The following TMPRSS15 variants were observed in gnomAD, a reference collection of about 807,000 sequenced individuals.
TMPRSS15 encodes transmembrane serine protease 15, also known as enteropeptidase.
In TMPRSS15, 128 loss-of-function variants were observed where a neutral mutation model predicts 125.3. The ratio of observed to expected loss-of-function variants is 1.02; its 90% confidence interval spans 0.89 to 1.18. The LOEUF is 1.18. Among genes scored for constraint, TMPRSS15 ranks in the 50% most tolerant of loss-of-function variants. The pLI, the probability that TMPRSS15 is intolerant of heterozygous loss-of-function variation, is 0.00. For synonymous variants in TMPRSS15, 446 were observed against 423.2 expected (o/e 1.05, Z -0.66); for missense variants, 1,283 against 1,212.7 (o/e 1.06, Z -0.86).
chr21:18,394,454 A>G (rs2076015731), intron 3 of TMPRSS15, among the ~76,000 whole-genome samples: 1 of 152,168 alleles, frequency 6.6e-6, no homozygotes, highest in Admixed American at 6.5e-5. Context: ...AGGTAAAGAA[A>G]AAGTAAATAA....
At chr21:18,371,889 C>T (rs2075794900) in intron 6 of TMPRSS15, among the ~76,000 whole-genome samples, 1 of 151,862 alleles carries the variant, frequency 6.6e-6, no homozygotes, top group Non-Finnish European at 1.5e-5. Flanking sequence ...GTAGCAACAC[C>T]CATCCCCACA....
intron 16 of TMPRSS15, among the ~76,000 whole-genome samples, chr21:18,317,796 TCCCA>T (rs2075184156): frequency 9.0e-6 from 1 of 111,394 alleles, no homozygotes; most frequent in African/African-American, 3.4e-5. Context: ...TCCCATCCCA[TCCCA>T]TCCCATCCCA....
At position 18,380,114 on chromosome 21, in the gene TMPRSS15, G is replaced by A. The variant is rs200865320; in HGVS notation, c.497-796C>T. 2.6e-5 allele frequency among the ~76,000 whole-genome samples: 4 copies of A among 151,316 alleles called. No individual in the cohort carries two copies. In the East Asian group the frequency reaches 5.8e-4, roughly 22 times the overall value. ...TATCTCACCCTTAGTGACCTCCCAA[G>A]TGCCATAGCTTCATCACCAAGGCAC... On this transcript the variant is annotated intron_variant, in intron 4 of 24. Coordinates refer to ENST00000284885, the MANE Select transcript of TMPRSS15 (RefSeq NM_002772.3).
chr21:18,454,760 C>G (rs1021965529), intron 1 of TMPRSS15, among the ~76,000 whole-genome samples: 1 of 152,106 alleles, frequency 6.6e-6, no homozygotes, highest in African/African-American at 2.4e-5. Flanking sequence ...TGGATAATGC[C>G]TGTTCTCATT....
intron 1 of TMPRSS15, among the ~76,000 whole-genome samples, chr21:18,470,665 C>T (rs1026780346): frequency 1.3e-5 from 2 of 151,952 alleles, no homozygotes; most frequent in Non-Finnish European, 2.9e-5. Flanking sequence ...TTGTTGTTTT[C>T]TTTCCTCTGT....
In TMPRSS15 at chr21:18,275,292, A is replaced by C; in HGVS notation, c.2809T>G (p.Ser937Ala). Residue 937 changes from serine (S) to alanine (A), a missense_variant, in exon 24 of 25, where the codon TCA becomes GCA. Physicochemically the swap from Ser to Ala is moderately conservative, Grantham distance 99. Coordinates refer to ENST00000284885, the MANE Select transcript of TMPRSS15 (RefSeq NM_002772.3). ...ILQEADVPLL[S>A]NERCQQQMPE... ...ATCTGCTGTTGGCATCTCTCATTTG[A>C]TAGAAGAGGAACATCAGCTTCTTGC... The C allele has an allele frequency of 6.2e-7, 1 of 1,614,052 alleles. No homozygotes were observed. Among genetic ancestry groups the C allele is most frequent in the Non-Finnish European group, 8.5e-7 (1 of 1,179,986 alleles).
At chr21:18,315,025 T>C (rs1370960693) in intron 17 of TMPRSS15, 121 bp downstream of exon 17, 4 of 795,412 alleles carry the variant, frequency 5.0e-6, no homozygotes, top group South Asian at 1.4e-5. Flanking sequence ...AGATGAGATG[T>C]TCTCGTTCCA....
chr21:18,400,050 C>G (rs1464017436), intron 1 of TMPRSS15, among the ~76,000 whole-genome samples: 1 of 152,012 alleles, frequency 6.6e-6, no homozygotes, highest in Non-Finnish European at 1.5e-5. Flanking sequence ...ACAAGGATAA[C>G]TACAAAACAC....
chr21:18,419,144 G>A (rs909905287), intron 1 of TMPRSS15, among the ~76,000 whole-genome samples: 1 of 151,384 alleles, frequency 6.6e-6, no homozygotes, highest in Non-Finnish European at 1.5e-5. Context: ...GTCACTTACC[G>A]ATTAAAACTT....
At chr21:18,274,837 T>G (rs1471440204) in intron 24 of TMPRSS15, among the ~76,000 whole-genome samples, 1 of 152,196 alleles carries the variant, frequency 6.6e-6, no homozygotes, top group Non-Finnish European at 1.5e-5. Context: ...TTGTTTGTTT[T>G]AAGTTTGCAT....
intron 18 of TMPRSS15, among the ~76,000 whole-genome samples, chr21:18,306,599 C>A (rs556886976): frequency 6.6e-6 from 1 of 152,046 alleles, no homozygotes; most frequent in African/African-American, 2.4e-5. Flanking sequence ...CTTATTAGAA[C>A]ACAAATAACT....
At chr21:18,474,146 C>A (rs1030923888) in intron 1 of TMPRSS15, among the ~76,000 whole-genome samples, 1 of 151,832 alleles carries the variant, frequency 6.6e-6, no homozygotes, top group Non-Finnish European at 1.5e-5. Context: ...TATATATATA[C>A]CCATATATCT....
chr21:18,443,083 T>G (rs2076246273), intron 1 of TMPRSS15, among the ~76,000 whole-genome samples: 1 of 152,160 alleles, frequency 6.6e-6, no homozygotes, highest in Non-Finnish European at 1.5e-5. Flanking sequence ...CATGTGTATA[T>G]TTACAAATTA....
rs2076120057 is a variant in TMPRSS15 at position 18,403,775 on chromosome 21, G to A, written c.-153C>T. The A allele has an allele frequency of 2.3e-6, 2 of 865,368 alleles. No homozygotes were observed. Among genetic ancestry groups the A allele is most frequent in the Non-Finnish European group, 1.8e-6 (1 of 548,510 alleles). 53.6% of individuals were successfully genotyped at this position (865,368 alleles called of 1,614,324 possible). A position where few individuals can be genotyped will look rare whatever the true frequency, so the allele number is the denominator to read the frequency against. ...CAGTCAGTGTAAGTGAGTTGTGTAT[G>A]TCTCTTTGGCAAAATTATGTCTCTA... On this transcript the variant is annotated 5_prime_UTR_variant, in exon 1 of 25. Transcript: ENST00000284885.
At chr21:18,351,431 G>A (rs1036538638) in intron 10 of TMPRSS15, among the ~76,000 whole-genome samples, 1 of 152,116 alleles carries the variant, frequency 6.6e-6, no homozygotes, top group Non-Finnish European at 1.5e-5. Flanking sequence ...TAGTCCCCAT[G>A]TGCTGAGGGC....
intron 3 of TMPRSS15, among the ~76,000 whole-genome samples, chr21:18,389,645 G>T (rs2075974766): frequency 6.6e-6 from 1 of 152,102 alleles, no homozygotes; most frequent in Non-Finnish European, 1.5e-5. Context: ...TGTTCATCAG[G>T]TTTTGTTCCA....
At chr21:18,273,715 CTTCT>C (rs1378634210) in intron 24 of TMPRSS15, among the ~76,000 whole-genome samples, 1 of 152,118 alleles carries the variant, frequency 6.6e-6, no homozygotes, top group African/African-American at 2.4e-5. Context: ...TATAGATCTC[CTTCT>C]AAGTGGCAAT....
rs544999615 is a variant in TMPRSS15, at chr21:18,361,335, A to G, written c.774-1472T>C. Among the ~76,000 whole-genome samples, 14 of 152,260 alleles carry G rather than the reference A, an allele frequency of 9.2e-5. No individual in the cohort carries two copies. In the South Asian group the frequency reaches 2.9e-3, roughly 32 times the overall value. On this transcript the variant is annotated intron_variant, in intron 7 of 24. Transcript: ENST00000284885. ...TGGAAGGGAGATGGCTAAAAGAAAT[A>G]AAAGTGTGTACGGGAGAAAACATCT...
Position 18,280,624 on chromosome 21 carries a change from T to A in TMPRSS15, c.2668+416A>T, listed in dbSNP as rs1318856639. The stretch of plus-strand genomic sequence containing the variant: ...CAAAACAACAAAAAACCAAACTTCC[T>A]TCTATGAATAACTTAATTCTTGCTC... On this transcript the variant is annotated intron_variant, in intron 22 of 24. Coordinates refer to ENST00000284885, the MANE Select transcript of TMPRSS15 (RefSeq NM_002772.3). Among the ~76,000 whole-genome samples, 2 of 148,902 alleles carry A rather than the reference T, an allele frequency of 1.3e-5. 1 individual carries two copies. The highest frequency in any genetic ancestry group is 4.2e-4 in the South Asian group (2 of 4,768).
Sources: allele counts gnomAD v4.1 joint callset (sites outside exome capture counted in the v4.1 genomes callset), GRCh38; gene constraint gnomAD v4.1.1; transcripts MANE v1.5; gene names NCBI Gene and HGNC (gene_info 2026-07-23, HGNC 2026-07-21).